The following EYS variants were observed in gnomAD, a reference collection of about 807,000 sequenced individuals.
EYS encodes EGF-like photoreceptor maintenance factor, also known as protein eyes shut homolog.
In EYS, 250 loss-of-function variants were observed where a neutral mutation model predicts 282.1. The observed-to-expected ratio is 0.89, with a 90% CI of 0.80 to 0.98. EYS has a LOEUF of 0.98. Ranked by LOEUF, EYS falls within the 50% of genes least tolerant of loss-of-function variation. The pLI, the probability that EYS is intolerant of heterozygous loss-of-function variation, is 0.00. For missense variants in EYS, 4,016 were observed against 3,709.0 expected (o/e 1.08, Z -2.15); for synonymous variants, 1,355 against 1,282.9 (o/e 1.06, Z -1.20).
chr6:63,965,833 C>A (rs1156763413), intron 35 of EYS, among the ~76,000 whole-genome samples: 1 of 152,100 alleles, frequency 6.6e-6, no homozygotes, highest in East Asian at 1.9e-4. Flanking sequence ...GAAAACACAG[C>A]CTGTAATAGT....
intron 11 of EYS, among the ~76,000 whole-genome samples, chr6:65,314,653 A>G (rs1203559056): frequency 6.7e-6 from 1 of 149,690 alleles, no homozygotes; most frequent in African/African-American, 2.5e-5. Flanking sequence ...CCATTAAGAG[A>G]GTTGCAGCTA....
intron 12 of EYS, among the ~76,000 whole-genome samples, chr6:65,107,508 T>G (rs1027372294): frequency 1.3e-5 from 2 of 151,824 alleles, no homozygotes; most frequent in African/African-American, 4.8e-5. Flanking sequence ...CTAACTTTTA[T>G]GGTGTAAGAA....
intron 2 of EYS, among the ~76,000 whole-genome samples, chr6:65,599,372 G>A (rs1194954938): frequency 1.3e-5 from 2 of 151,884 alleles, no homozygotes; most frequent in East Asian, 3.9e-4. Context: ...TGTGAGTTTG[G>A]GCCCACATTT....
chr6:64,967,746 C>T (rs1562279944), intron 14 of EYS, among the ~76,000 whole-genome samples: 1 of 152,140 alleles, frequency 6.6e-6, no homozygotes, highest in South Asian at 2.1e-4. Context: ...TGGAAATCTC[C>T]CATTTATCAT....
intron 31 of EYS, among the ~76,000 whole-genome samples, chr6:64,091,107 A>T (rs191654569): frequency 6.6e-6 from 1 of 152,298 alleles, no homozygotes; most frequent in Admixed American, 6.5e-5. Context: ...CACTTTGAAC[A>T]TTCATTAATT....
intron 31 of EYS, among the ~76,000 whole-genome samples, chr6:64,142,205 A>G (rs1774360618): frequency 6.6e-6 from 1 of 152,062 alleles, no homozygotes; most frequent in Non-Finnish European, 1.5e-5. Context: ...ATGGTCTTGG[A>G]TACTTGAAGA....
intron 19 of EYS, among the ~76,000 whole-genome samples, chr6:64,860,163 T>C (rs914295442): frequency 6.6e-6 from 1 of 152,224 alleles, no homozygotes; most frequent in African/African-American, 2.4e-5. Flanking sequence ...AAAATATTGA[T>C]TGCTCTAGAG....
chr6:65,534,531 A>C (rs953181073), intron 2 of EYS, among the ~76,000 whole-genome samples: 2 of 152,114 alleles, frequency 1.3e-5, no homozygotes, highest in Non-Finnish European at 2.9e-5. Flanking sequence ...AAAGCCAAAA[A>C]ACAACCCCAT....
intron 36 of EYS, among the ~76,000 whole-genome samples, chr6:63,854,359 A>C (rs549230974): frequency 6.6e-6 from 1 of 152,298 alleles, no homozygotes; most frequent in Non-Finnish European, 1.5e-5. Flanking sequence ...CAGGAACAGA[A>C]AACCAAACTC....
chr6:64,215,578 T>C (rs1765904665), intron 31 of EYS, among the ~76,000 whole-genome samples: 1 of 152,034 alleles, frequency 6.6e-6, no homozygotes, highest in Non-Finnish European at 1.5e-5. Context: ...TATTTTTTCA[T>C]TTTTTCCCTA....
intron 31 of EYS, among the ~76,000 whole-genome samples, chr6:64,217,142 A>G (rs530966763): frequency 6.6e-6 from 1 of 152,332 alleles, no homozygotes; most frequent in African/African-American, 2.4e-5. Flanking sequence ...GAGACTAAAG[A>G]TCTTCAGAAT....
intron 9 of EYS, among the ~76,000 whole-genome samples, chr6:65,351,980 G>A (rs887225892): frequency 6.6e-5 from 10 of 151,734 alleles, no homozygotes; most frequent in African/African-American, 1.9e-4. Flanking sequence ...TCTTTGTTTC[G>A]TCTGATTGTG....
At position 64,084,209 on chromosome 6, in the gene EYS, C is replaced by T. The variant is rs775640287; in HGVS notation, c.6425-2207G>A. ...CTTTGGAAACCTTTGTCAACTGCCA[C>T]GCCTAGGATTTGCAGCCATACCCTG... On this transcript the variant is annotated intron_variant, in intron 31 of 42. Transcript: ENST00000503581. 1.2e-4 allele frequency among the ~76,000 whole-genome samples: 19 copies of T among 152,326 alleles called. 1 individual carries two copies. The South Asian group carries it at 2.3e-3, about 18-fold the overall frequency.
rs71551553 is a variant in EYS, at chr6:64,000,168, C to CTTTTTTTTTTTT, written c.6726-997_6726-986dup. 7.0e-5 allele frequency among the ~76,000 whole-genome samples: 3 copies of CTTTTTTTTTTTT among 42,734 alleles called. 1 individual carries two copies. Among genetic ancestry groups the CTTTTTTTTTTTT allele is most frequent in the Non-Finnish European group, 8.8e-5 (2 of 22,778 alleles). The allele number at this position is 42,734 out of a possible 152,430, so 28.0% of individuals were successfully genotyped here. A position where few individuals can be genotyped will look rare whatever the true frequency, so the allele number is the denominator to read the frequency against. The stretch of plus-strand genomic sequence containing the variant: ...CTGAGGAGTTTCCCAAGACATGGGA[C>CTTTTTTTTTTTT]TTTTTTTTTTTTTTTTTTTTTTTTT... On this transcript the variant is annotated intron_variant, in intron 33 of 42. Transcript: ENST00000503581.
intron 5 of EYS, among the ~76,000 whole-genome samples, chr6:65,486,765 A>C (rs2127261224): frequency 6.6e-6 from 1 of 152,348 alleles, no homozygotes; most frequent in South Asian, 2.1e-4. Context: ...AAACGTTCTA[A>C]AGAATAATAA....
At chr6:65,389,353 A>T (rs1438541560) in intron 7 of EYS, among the ~76,000 whole-genome samples, 1 of 152,140 alleles carries the variant, frequency 6.6e-6, no homozygotes, top group African/African-American at 2.4e-5. Flanking sequence ...ATAGGGCCTG[A>T]ATAGGCCAAG....
chr6:64,960,695 C>A (rs1368505662), intron 14 of EYS, among the ~76,000 whole-genome samples: 1 of 151,898 alleles, frequency 6.6e-6, no homozygotes, highest in African/African-American at 2.4e-5. Context: ...CAGGTTTGTT[C>A]CATAGATAAA....
intron 30 of EYS, among the ~76,000 whole-genome samples, chr6:64,250,823 A>C (rs1244931195): frequency 6.6e-6 from 1 of 152,208 alleles, no homozygotes; most frequent in Non-Finnish European, 1.5e-5. Flanking sequence ...GGAAAGAACC[A>C]AATAATGATA....
At chr6:65,115,966 A>AATCTATCT (rs3036006) in intron 12 of EYS, among the ~76,000 whole-genome samples, 9,612 of 144,804 alleles carry the variant, frequency 0.066, 349 homozygotes, top group East Asian at 0.085. Context: ...CTGTCTATCT[A>AATCTATCT]ATCTATCTAT....
Sources: gnomAD v4.1 joint callset for allele counts (sites outside exome capture counted in the v4.1 genomes callset) on GRCh38, gnomAD v4.1.1 for gene constraint, MANE v1.5 for transcripts, NCBI Gene and HGNC (gene_info 2026-07-23, HGNC 2026-07-21) for gene names.